Variants in GALNTL6 observed in about 807,000 individuals in gnomAD.
GALNTL6 encodes the protein polypeptide N-acetylgalactosaminyltransferase like 6, also known as polypeptide N-acetylgalactosaminyltransferase-like 6.
GALNTL6 carries 46 observed loss-of-function variants against 73.7 expected under a neutral mutation model. The ratio of observed to expected loss-of-function variants is 0.62; its 90% confidence interval spans 0.49 to 0.80. The LOEUF (loss-of-function observed/expected upper bound fraction) is 0.80, where lower values mean the gene tolerates loss of function less well. Among genes scored for constraint, GALNTL6 ranks in the 30% least tolerant of loss-of-function variants. The pLI is 0.00. For missense variants in GALNTL6, 604 were observed against 755.0 expected (o/e 0.80, Z 2.34); for synonymous variants, 259 against 263.7 (o/e 0.98, Z 0.17).
chr4:172,499,300 G>C (rs908568268), intron 5 of GALNTL6, among the ~76,000 whole-genome samples: 13 of 152,068 alleles, frequency 8.5e-5, no homozygotes, highest in African/African-American at 3.1e-4. Flanking sequence ...CCTTATAAGA[G>C]GAGACTCAAG....
chr4:172,680,859 A>T (rs1199718655), intron 5 of GALNTL6, among the ~76,000 whole-genome samples: 3 of 152,238 alleles, frequency 2.0e-5, no homozygotes. Flanking sequence ...ACAAAACAGT[A>T]ATCAGTTGAG....
intron 5 of GALNTL6, among the ~76,000 whole-genome samples, chr4:172,479,826 T>G (rs1425267241): frequency 6.6e-6 from 1 of 152,226 alleles, no homozygotes; most frequent in East Asian, 1.9e-4. Flanking sequence ...GTTTGTGTGC[T>G]TTTTATAAGT....
chr4:172,766,368 A>T (rs1291170078), intron 5 of GALNTL6, among the ~76,000 whole-genome samples: 2 of 152,136 alleles, frequency 1.3e-5, no homozygotes, highest in Non-Finnish European at 2.9e-5. Flanking sequence ...ATGCATTCCG[A>T]GTCTATGTTG....
At chr4:172,927,662 G>C (rs1032160628) in intron 8 of GALNTL6, among the ~76,000 whole-genome samples, 1 of 152,020 alleles carries the variant, frequency 6.6e-6, no homozygotes, top group African/African-American at 2.4e-5. Context: ...GCTAATGTTG[G>C]TCATCAGTTA....
intron 2 of GALNTL6, among the ~76,000 whole-genome samples, chr4:172,005,535 G>A (rs1350539901): frequency 6.6e-6 from 1 of 151,978 alleles, no homozygotes; most frequent in Admixed American, 6.6e-5. Flanking sequence ...CTAACAAATG[G>A]TACAAGCACC....
At chr4:172,800,267 C>A (rs924753608) in intron 5 of GALNTL6, among the ~76,000 whole-genome samples, 3 of 152,062 alleles carry the variant, frequency 2.0e-5, no homozygotes, top group African/African-American at 2.4e-5. Context: ...TATTTTACTG[C>A]AATTTTTTTG....
At chr4:172,308,988 C>T (rs1658202495) in intron 3 of GALNTL6, among the ~76,000 whole-genome samples, 1 of 152,142 alleles carries the variant, frequency 6.6e-6, no homozygotes, top group Non-Finnish European at 1.5e-5. Flanking sequence ...CATGAAATTT[C>T]TCACTGATTT....
chr4:172,086,600 T>C (rs562518077), intron 2 of GALNTL6, among the ~76,000 whole-genome samples: 1 of 152,274 alleles, frequency 6.6e-6, no homozygotes, highest in East Asian at 1.9e-4. Flanking sequence ...TGGCGAGTCA[T>C]GATTTATACC....
intron 2 of GALNTL6, among the ~76,000 whole-genome samples, chr4:171,827,641 A>T (rs1734859176): frequency 6.6e-6 from 1 of 152,178 alleles, no homozygotes; most frequent in Non-Finnish European, 1.5e-5. Flanking sequence ...TAGAAGTCTG[A>T]AATTAAATTC....
At chr4:172,893,639 G>GT (rs1746169297) in intron 8 of GALNTL6, among the ~76,000 whole-genome samples, 1 of 152,170 alleles carries the variant, frequency 6.6e-6, no homozygotes, top group South Asian at 2.1e-4. Flanking sequence ...ATGCACCCCC[G>GT]TCCCACGGAA....
intron 2 of GALNTL6, among the ~76,000 whole-genome samples, chr4:172,128,735 G>A (rs957671399): frequency 2.0e-5 from 3 of 152,050 alleles, no homozygotes; most frequent in African/African-American, 4.8e-5. Flanking sequence ...ACATCCAAGC[G>A]GCCTTGGATT....
intron 2 of GALNTL6, among the ~76,000 whole-genome samples, chr4:172,109,013 C>CAAAAA (rs202017302): frequency 7.4e-5 from 8 of 108,332 alleles, no homozygotes; most frequent in African/African-American, 1.3e-4. Context: ...ACTCCATCTC[C>CAAAAA]AAAAAAAAAA....
At chr4:172,083,030 T>C (rs139652293) in intron 2 of GALNTL6, among the ~76,000 whole-genome samples, 3 of 152,322 alleles carry the variant, frequency 2.0e-5, no homozygotes, top group African/African-American at 7.2e-5. Context: ...CAGCTCATAG[T>C]AGTTTCATTT....
chr4:172,691,772 C>T (rs1264921646), intron 5 of GALNTL6, among the ~76,000 whole-genome samples: 4 of 152,194 alleles, frequency 2.6e-5, no homozygotes, highest in Non-Finnish European at 5.9e-5. Flanking sequence ...GGGAGTCTGG[C>T]AGTACTGTGA....
chr4:171,830,032 A>T (rs1734926447), intron 2 of GALNTL6, among the ~76,000 whole-genome samples: 1 of 152,060 alleles, frequency 6.6e-6, no homozygotes. Context: ...TGTAGATGAG[A>T]TATGAAGACA....
intron 5 of GALNTL6, among the ~76,000 whole-genome samples, chr4:172,415,308 A>G (rs1482940575): frequency 6.6e-6 from 1 of 152,212 alleles, no homozygotes; most frequent in Admixed American, 6.6e-5. Context: ...TAGCTACACA[A>G]TTAACCCCCA....
chr4:172,612,967 C>T (rs944038013), intron 5 of GALNTL6, among the ~76,000 whole-genome samples: 1 of 152,074 alleles, frequency 6.6e-6, no homozygotes, highest in Non-Finnish European at 1.5e-5. Flanking sequence ...AATATTTGGC[C>T]TCCTGCTGTC....
intron 2 of GALNTL6, among the ~76,000 whole-genome samples, chr4:171,896,551 T>C (rs947611558): frequency 6.6e-6 from 1 of 152,220 alleles, no homozygotes; most frequent in Non-Finnish European, 1.5e-5. Context: ...TGTTGGCAGA[T>C]TTGTTGTCTG....
At chr4:172,714,591 G>A (rs1734943357) in intron 5 of GALNTL6, among the ~76,000 whole-genome samples, 1 of 152,118 alleles carries the variant, frequency 6.6e-6, no homozygotes, top group Non-Finnish European at 1.5e-5. Flanking sequence ...ATGTAAAAAT[G>A]TACTATAAGT....
Sources: allele counts gnomAD v4.1 joint callset (sites outside exome capture counted in the v4.1 genomes callset), GRCh38; gene constraint gnomAD v4.1.1; transcripts MANE v1.5; gene names NCBI Gene and HGNC (gene_info 2026-07-23, HGNC 2026-07-21).